RSRC1: variants seen among roughly 807,000 people sequenced by gnomAD.
RSRC1 encodes the protein serine/Arginine-related protein 53.
A neutral mutation model predicts 49.1 loss-of-function variants in RSRC1; 39 were observed. The ratio of observed to expected loss-of-function variants is 0.79; its 90% confidence interval spans 0.61 to 1.04. The LOEUF (loss-of-function observed/expected upper bound fraction) is 1.04. Ranked by LOEUF, RSRC1 falls within the 50% of genes least tolerant of loss-of-function variation. RSRC1 has a pLI of 0.00. For missense variants in RSRC1, 388 were observed against 402.4 expected, an observed-to-expected ratio of 0.96 and a Z score of 0.31; for synonymous variants, 143 against 130.8, an observed-to-expected ratio of 1.09 and a Z score of -0.63.
chr3:158,470,547 T>G (rs1738092558), intron 7 of RSRC1, among the ~76,000 whole-genome samples: 1 of 152,054 alleles, frequency 6.6e-6, no homozygotes, highest in Non-Finnish European at 1.5e-5. Flanking sequence ...ATCAAAATGT[T>G]TTCTAAACTA....
intron 6 of RSRC1, among the ~76,000 whole-genome samples, chr3:158,366,545 C>T (rs545539657): frequency 7.9e-5 from 12 of 152,030 alleles, no homozygotes; most frequent in South Asian, 2.1e-4. Context: ...TTTTGGTTAC[C>T]GTAGCCTTGT....
chr3:158,393,978 C>T (rs1733472008), intron 6 of RSRC1, among the ~76,000 whole-genome samples: 1 of 152,044 alleles, frequency 6.6e-6, no homozygotes, highest in South Asian at 2.1e-4. Flanking sequence ...GGCTTTATCC[C>T]TGGGATGCAA....
At chr3:158,410,436 G>A (rs989228568) in intron 6 of RSRC1, among the ~76,000 whole-genome samples, 7 of 152,128 alleles carry the variant, frequency 4.6e-5, no homozygotes, top group Non-Finnish European at 8.8e-5. Context: ...TTCTCTCAAA[G>A]CATCACAAAC....
At chr3:158,467,697 C>T (rs1215698377) in intron 7 of RSRC1, among the ~76,000 whole-genome samples, 1 of 152,160 alleles carries the variant, frequency 6.6e-6, no homozygotes, top group East Asian at 1.9e-4. Context: ...TAGTTATGGG[C>T]TAAATTGTTT....
intron 4 of RSRC1, among the ~76,000 whole-genome samples, chr3:158,285,379 T>C (rs1726461984): frequency 6.6e-6 from 1 of 152,336 alleles, no homozygotes; most frequent in Non-Finnish European, 1.5e-5. Context: ...CAATGCGGGC[T>C]CTTTTTTGGT....
intron 6 of RSRC1, among the ~76,000 whole-genome samples, chr3:158,441,107 A>G (rs1736357853): frequency 6.6e-6 from 1 of 152,144 alleles, no homozygotes; most frequent in South Asian, 2.1e-4. Context: ...GCCCAAAAAG[A>G]ATAATGTATC....
At chr3:158,198,772 G>T (rs1720828077) in intron 3 of RSRC1, among the ~76,000 whole-genome samples, 2 of 152,122 alleles carry the variant, frequency 1.3e-5, no homozygotes, top group African/African-American at 4.8e-5. Flanking sequence ...GGGAGATGTA[G>T]ACTGGAGCTG....
chr3:158,487,974 A>AAAAAAAAAG (rs71144458), intron 7 of RSRC1, among the ~76,000 whole-genome samples: 1 of 148,742 alleles, frequency 6.7e-6, no homozygotes, highest in Non-Finnish European at 1.5e-5. Context: ...AAAAAAAAAA[A>AAAAAAAAAG]CTGGCTGAAT....
At chr3:158,141,673 A>G (rs1211766520) in intron 3 of RSRC1, among the ~76,000 whole-genome samples, 1 of 152,198 alleles carries the variant, frequency 6.6e-6, no homozygotes, top group Non-Finnish European at 1.5e-5. Flanking sequence ...TTTAGGGTAG[A>G]GAAATACCAT....
intron 4 of RSRC1, chr3:158,225,747 T>A: frequency 2.3e-6 from 1 of 438,066 alleles, no homozygotes; most frequent in Non-Finnish European, 4.5e-6. Context: ...AGTAAACCTA[T>A]ACAAGCCCTT....
chr3:158,189,649 G>A (rs1720120037), intron 3 of RSRC1, among the ~76,000 whole-genome samples: 1 of 151,792 alleles, frequency 6.6e-6, no homozygotes, highest in Non-Finnish European at 1.5e-5. Context: ...TAATACTTAA[G>A]ATGTTCATTT....
At chr3:158,276,544 A>C (rs1725829404) in intron 4 of RSRC1, 3 of 514,798 alleles carry the variant, frequency 5.8e-6, no homozygotes, top group African/African-American at 5.8e-5. Context: ...GTTTGTAAAG[A>C]GTTGAATTGA....
intron 5 of RSRC1, among the ~76,000 whole-genome samples, chr3:158,341,702 C>G (rs913191164): frequency 6.6e-6 from 1 of 152,144 alleles, no homozygotes; most frequent in East Asian, 1.9e-4. Context: ...CCTAGTAGAT[C>G]TGTGAGAAGA....
chr3:158,269,321 G>A (rs1366891540), intron 4 of RSRC1, among the ~76,000 whole-genome samples: 1 of 152,060 alleles, frequency 6.6e-6, no homozygotes, highest in Non-Finnish European at 1.5e-5. Flanking sequence ...TTAAATTTTT[G>A]TGGTAAGCCT....
chr3:158,457,947 G>A (rs1421169529), intron 6 of RSRC1, among the ~76,000 whole-genome samples: 1 of 151,990 alleles, frequency 6.6e-6, no homozygotes, highest in African/African-American at 2.4e-5. Context: ...CTGAGGGTAG[G>A]GAAGAGAGTT....
intron 6 of RSRC1, among the ~76,000 whole-genome samples, chr3:158,453,881 A>G (rs1012090033): frequency 6.6e-6 from 1 of 152,008 alleles, no homozygotes; most frequent in Non-Finnish European, 1.5e-5. Context: ...GAATTTTATT[A>G]CAGTCTTTTT....
chr3:158,397,420 G>T (rs1733670700), intron 6 of RSRC1, among the ~76,000 whole-genome samples: 1 of 152,120 alleles, frequency 6.6e-6, no homozygotes, highest in Non-Finnish European at 1.5e-5. Flanking sequence ...CTATATGTGT[G>T]TACACATACA....
intron 6 of RSRC1, among the ~76,000 whole-genome samples, chr3:158,424,475 G>A (rs919052658): frequency 6.6e-6 from 1 of 150,572 alleles, no homozygotes; most frequent in African/African-American, 2.4e-5. Flanking sequence ...GCTGGATTCG[G>A]TTTGCCAGTA....
chr3:158,160,218 T>C (rs1420391971), intron 3 of RSRC1, among the ~76,000 whole-genome samples: 13 of 152,214 alleles, frequency 8.5e-5, no homozygotes, highest in Non-Finnish European at 1.5e-5. Context: ...TGACCTTTCC[T>C]GAAGGCGCTG....
Sources: gnomAD v4.1 joint callset for allele counts (sites outside exome capture counted in the v4.1 genomes callset) on GRCh38, gnomAD v4.1.1 for gene constraint, MANE v1.5 for transcripts, NCBI Gene and HGNC (gene_info 2026-07-23, HGNC 2026-07-21) for gene names.